GREB1L: variants seen among roughly 807,000 people sequenced by gnomAD.
GREB1L encodes the protein GREB1-like protein.
A neutral mutation model predicts 200.8 loss-of-function variants in GREB1L; 17 were observed. The observed-to-expected ratio is 0.08, with a 90% CI of 0.06 to 0.13. The LOEUF (loss-of-function observed/expected upper bound fraction) is 0.13. Among genes scored for constraint, GREB1L ranks in the 10% least tolerant of loss-of-function variants. The pLI, the probability that GREB1L is intolerant of heterozygous loss-of-function variation, is 1.00. For synonymous variants in GREB1L, 789 were observed against 893.0 expected (o/e 0.88, Z 2.08); for missense variants, 1,657 against 2,367.7 (o/e 0.70, Z 6.23).
chr18:21,346,454 T>G (rs1275982305), intron 1 of GREB1L, among the ~76,000 whole-genome samples: 1 of 151,860 alleles, frequency 6.6e-6, no homozygotes, highest in African/African-American at 2.4e-5. Context: ...GTTGCAGCAA[T>G]TGAGACCTGG....
chr18:21,275,017 C>T (rs990811599), intron 1 of GREB1L, among the ~76,000 whole-genome samples: 8 of 151,914 alleles, frequency 5.3e-5, no homozygotes, highest in Middle Eastern at 3.2e-3. Context: ...CGAGGTGGGC[C>T]GATCACGAGG....
At chr18:21,441,713 G>A (rs1378972153) in intron 10 of GREB1L, among the ~76,000 whole-genome samples, 176 bp downstream of exon 10, 1 of 152,180 alleles carries the variant, frequency 6.6e-6, no homozygotes, top group Non-Finnish European at 1.5e-5. Flanking sequence ...CTGAGGATAA[G>A]GCAAAGTCTT....
intron 2 of GREB1L, among the ~76,000 whole-genome samples, chr18:21,369,133 G>T (rs1034337852): frequency 2.6e-5 from 4 of 152,126 alleles, no homozygotes; most frequent in Admixed American, 2.0e-4. Context: ...GGAAATTGGC[G>T]AATTGTTTTT....
At chr18:21,420,376 A>G (rs2144858344) in intron 7 of GREB1L, among the ~76,000 whole-genome samples, 1 of 149,656 alleles carries the variant, frequency 6.7e-6, no homozygotes, top group South Asian at 2.1e-4. Flanking sequence ...TCCATCTCGA[A>G]AAAAAAAAAA....
intron 7 of GREB1L, among the ~76,000 whole-genome samples, chr18:21,419,175 G>T (rs1178467120): frequency 6.6e-6 from 1 of 152,120 alleles, no homozygotes; most frequent in Non-Finnish European, 1.5e-5. Flanking sequence ...TACTGTCTAG[G>T]TTTATGTAAG....
intron 1 of GREB1L, among the ~76,000 whole-genome samples, chr18:21,326,589 A>G (rs1355057116): frequency 6.6e-6 from 1 of 152,240 alleles, no homozygotes; most frequent in African/African-American, 2.4e-5. Context: ...CTTTTAGTGA[A>G]TAAACCAAGT....
intron 29 of GREB1L, among the ~76,000 whole-genome samples, 198 bp downstream of exon 29, chr18:21,515,842 C>G (rs866570994): frequency 2.0e-4 from 31 of 152,182 alleles, no homozygotes; most frequent in African/African-American, 7.2e-4. Flanking sequence ...ACAGGGGTTA[C>G]AATGTGAAAT....
At chr18:21,351,120 T>C (rs1300168225) in intron 1 of GREB1L, among the ~76,000 whole-genome samples, 4 of 152,212 alleles carry the variant, frequency 2.6e-5, no homozygotes, top group Admixed American at 2.0e-4. Context: ...AAGTGAAATG[T>C]AACATTTATT....
chr18:21,449,561 C>G lies in GREB1L; in HGVS notation c.1445C>G (p.Ala482Gly), dbSNP rs1370413626. ...REEFEQIMLKAMQEFTLRERA... is the reference protein window; with the variant it reads ...REEFEQIMLKGMQEFTLRERA... ...GAATTTGAGCAAATTATGCTGAAAG[C>G]TATGCAAGAATTTACTCTGAGAGAA... is the stretch of plus-strand genomic sequence containing the variant. Residue 482 changes from alanine to glycine, a missense_variant, in exon 12 of 33, where the codon GCT becomes GGT. Ala to Gly is a moderately conservative substitution (Grantham distance 60, BLOSUM62 0). This residue lies in a region of GREB1L where 289 missense variants were observed against 345.1 expected (regional missense o/e 0.84). Transcript: ENST00000424526. The G allele has an allele frequency of 1.3e-6, 2 of 1,551,004 alleles. No individual in the cohort carries two copies. Among genetic ancestry groups the G allele is most frequent in the African/African-American group, 1.4e-5 (1 of 73,004 alleles).
At chr18:21,363,518 C>CTT (rs1485424580) in intron 1 of GREB1L, 1 of 151,946 alleles carries the variant, frequency 6.6e-6, no homozygotes, top group Non-Finnish European at 1.5e-5. Context: ...CAGCCCCTGT[C>CTT]TTAAGCTTGC....
intron 8 of GREB1L, 149 bp from the exon 9 acceptor site, chr18:21,440,120 A>G (rs2033813329): frequency 2.6e-6 from 2 of 782,210 alleles, no homozygotes; most frequent in South Asian, 4.1e-5. Flanking sequence ...TTTTTTTTAA[A>G]CTTTACCTCT....
At chr18:21,299,989 A>T (rs2038593047) in intron 1 of GREB1L, among the ~76,000 whole-genome samples, 1 of 151,814 alleles carries the variant, frequency 6.6e-6, no homozygotes, top group African/African-American at 2.4e-5. Flanking sequence ...TCAACGCTTT[A>T]AAAAAAAATC....
intron 1 of GREB1L, among the ~76,000 whole-genome samples, chr18:21,299,748 G>A (rs900194403): frequency 8.6e-5 from 13 of 151,898 alleles, no homozygotes; most frequent in East Asian, 5.8e-4. Flanking sequence ...CTATTTTCAC[G>A]CCCTTTCTTG....
At chr18:21,309,004 G>T (rs1284367182) in intron 1 of GREB1L, among the ~76,000 whole-genome samples, 1 of 152,154 alleles carries the variant, frequency 6.6e-6, no homozygotes, top group Non-Finnish European at 1.5e-5. Flanking sequence ...CTTTGGGTGG[G>T]AATCTTGTAG....
chr18:21,266,027 G>A (rs1014488089), intron 1 of GREB1L, among the ~76,000 whole-genome samples: 2 of 152,092 alleles, frequency 1.3e-5, no homozygotes, highest in Non-Finnish European at 2.9e-5. Context: ...GTATCAGGAG[G>A]CCCTTGTTTT....
intron 1 of GREB1L, among the ~76,000 whole-genome samples, chr18:21,333,880 A>G (rs2039145437): frequency 6.6e-6 from 1 of 151,456 alleles, no homozygotes; most frequent in Non-Finnish European, 1.5e-5. Flanking sequence ...TACTTGGGAG[A>G]CTAAGGTGGG....
chr18:21,490,389 T>C, intron 19 of GREB1L, 38 bp downstream of exon 19: 1 of 1,501,444 alleles, frequency 6.7e-7, no homozygotes, highest in African/African-American at 1.4e-5. Context: ...TAAAATACCA[T>C]TTGTTTCTCT....
intron 15 of GREB1L, among the ~76,000 whole-genome samples, chr18:21,460,328 C>T (rs1004245976): frequency 1.3e-5 from 2 of 152,074 alleles, no homozygotes; most frequent in African/African-American, 2.4e-5. Flanking sequence ...GCATGTGCCA[C>T]CATGCCCAGC....
intron 27 of GREB1L, among the ~76,000 whole-genome samples, chr18:21,512,651 A>T (rs369825208): frequency 6.6e-6 from 1 of 151,532 alleles, no homozygotes; most frequent in East Asian, 1.9e-4. Flanking sequence ...TTATTTATTT[A>T]TTTTTTCCTT....
Sources: gnomAD v4.1 joint callset for allele counts (sites outside exome capture counted in the v4.1 genomes callset) on GRCh38, gnomAD v4.1.1 for gene constraint, gnomAD v4.1.1 regional missense constraint, MANE v1.5 for transcripts, NCBI Gene and HGNC (gene_info 2026-07-23, HGNC 2026-07-21) for gene names.